The following AMN variants were observed in gnomAD, a reference collection of about 807,000 sequenced individuals.
AMN encodes the protein protein amnionless.
In AMN, 40 loss-of-function variants were observed where a neutral mutation model predicts 49.1. The ratio of observed to expected loss-of-function variants is 0.81; its 90% CI spans 0.63 to 1.06. AMN has a LOEUF of 1.06. AMN is among the 50% of genes least tolerant of loss of function. The pLI, the probability that AMN is intolerant of heterozygous loss-of-function variation, is 0.00. For synonymous variants in AMN, 380 were observed against 313.3 expected (o/e 1.21, Z -2.25); for missense variants, 701 against 662.8 (o/e 1.06, Z -0.63).
chr14:102,927,290 T>G lies in AMN; in HGVS notation c.208-1136T>G, dbSNP rs576036176. Among the ~76,000 whole-genome samples the G allele has an allele frequency of 2.0e-5, 3 of 152,370 alleles. No homozygotes were observed. The East Asian group carries it at 5.8e-4, about 29-fold the overall frequency. ...TTGTAGAGATGGAGTCTCACTATGT[T>G]TCTCACCAGGCTGATCTCAAACTCC... On this transcript the variant is annotated intron_variant, in intron 3 of 11. Transcript: ENST00000299155.
At chr14:102,928,352 G>A in intron 3 of AMN, 74 bp from the exon 4 acceptor site, 1 of 1,379,558 alleles carries the variant, frequency 7.2e-7, no homozygotes. Context: ...TCGTCCCAGG[G>A]GACTGGGGGC....
At chr14:102,928,634 G>T (rs561526372) in intron 4 of AMN, 121 bp downstream of exon 4, 1 of 1,493,230 alleles carries the variant, frequency 6.7e-7, no homozygotes, top group East Asian at 2.4e-5. Flanking sequence ...CGTGGTTTAG[G>T]GAGTGGCGGA....
chr14:102,928,675 G>A, intron 4 of AMN, 83 bp from the exon 5 acceptor site: 1 of 1,532,188 alleles, frequency 6.5e-7, no homozygotes, highest in Non-Finnish European at 8.8e-7. Flanking sequence ...GGGAGGTCGT[G>A]CTCAGACGCG....
At chr14:102,923,488 G>C in intron 1 of AMN, 1 of 558,798 alleles carries the variant, frequency 1.8e-6, no homozygotes, top group Non-Finnish European at 3.2e-6. Context: ...GCGTTTGAGC[G>C]GGCTCTGCAG....
At chr14:102,928,393 G>A (rs368984048) in intron 3 of AMN, 33 bp from the exon 4 acceptor site, 5 of 1,554,128 alleles carry the variant, frequency 3.2e-6, no homozygotes, top group African/African-American at 1.4e-5. Flanking sequence ...CCGGACCCCC[G>A]CGTGGCGCCG....
chr14:102,923,683 C>A (rs1202095350), intron 1 of AMN, 28 bp from the exon 2 acceptor site: 1 of 1,580,624 alleles, frequency 6.3e-7, no homozygotes, highest in Non-Finnish European at 8.7e-7. Context: ...CGGAGAGCAT[C>A]CCGGGCACTC....
Position 102,929,729 on chromosome 14 carries a change from C to A in AMN, c.835C>A (p.Leu279Met). The A allele has an allele frequency of 2.6e-6, 4 of 1,550,494 alleles. No individual in the cohort carries two copies. The highest frequency in any genetic ancestry group is 3.5e-6 in the Non-Finnish European group (4 of 1,147,382). The change falls in exon 8 of 12, where the codon CTG becomes ATG. Residue 279 changes from leucine to methionine, a missense_variant. Physicochemically the swap from Leu to Met is conservative, Grantham distance 15 (BLOSUM62 2). Coordinates refer to ENST00000299155, the MANE Select transcript of AMN (RefSeq NM_030943.4). Reference sequence around the variant, plus strand: ...CCGGGCGCGGATACTGGACACCTTCCTGGGTCTGGTAATGGGGCCGCGCGG... The same window carrying A: ...CCGGGCGCGGATACTGGACACCTTCATGGGTCTGGTAATGGGGCCGCGCGG... ...RYRARILDTFLGLPQYHGLQV... is the reference protein window; with the variant it reads ...RYRARILDTFMGLPQYHGLQV...
rs1321431972 is a variant in AMN at position 102,929,207 on chromosome 14, G to A, written c.600G>A (p.Val200=). Residue 200 remains valine (V), a synonymous_variant, in exon 6 of 12, where the codon GTG becomes GTA. Transcript: ENST00000299155. The part of the protein sequence containing the change: ...LRFHGPGALS[V]GPEDCADPSG... ...TCCACGGGCCGGGCGCGCTGAGCGT[G>A]GGCCCCGAGGACTGCGCGGACCCGT... 5.1e-6 allele frequency: 8 copies of A among 1,581,702 alleles called. No homozygotes were observed. The highest frequency in any genetic ancestry group is 6.8e-6 in the Non-Finnish European group (8 of 1,171,898).
intron 1 of AMN, chr14:102,923,454 A>C (rs1891108259): frequency 4.0e-6 from 2 of 494,794 alleles, no homozygotes; most frequent in African/African-American, 1.9e-5. Flanking sequence ...CCGGGAGGCT[A>C]TCTAGGCAGG....
chr14:102,930,114 G>T lies in AMN; in HGVS notation c.1006+28G>T, dbSNP rs1269034719. 1 of 1,505,940 alleles carries T rather than the reference G, an allele frequency of 6.6e-7. No homozygotes were observed. Among genetic ancestry groups the T allele is most frequent in the Non-Finnish European group, 8.8e-7 (1 of 1,132,192 alleles). The allele number at this position is 1,505,940 out of a possible 1,614,324, so 93.3% of individuals were successfully genotyped here. ...AACCGCGCCCGCCCCATCCCGCCCC[G>T]CCGCGCCTCGCCCCGCCGCGGGGAA... is the stretch of plus-strand genomic sequence containing the variant. On this transcript the variant is annotated intron_variant, in intron 9 of 11. Transcript: ENST00000299155.
At position 102,929,161 on chromosome 14, in the gene AMN, C is replaced by T. The variant is rs1234100139; in HGVS notation, c.554C>T (p.Ser185Phe). The change falls in exon 6 of 12, where the codon TCC becomes TTC. Residue 185 changes from serine to phenylalanine, a missense_variant. Physicochemically the swap from Ser to Phe is radical, Grantham distance 155. Coordinates refer to ENST00000299155, the MANE Select transcript of AMN (RefSeq NM_030943.4). ...RDEDLAVFLA[S>F]RAGRLRFHGP... is the part of the protein sequence containing the mutation. ...GAGGACCTGGCTGTTTTCCTGGCGT[C>T]CCGCGCGGGCCGCCTACGCTTCCAC... 2 of 1,596,186 alleles carry T rather than the reference C, an allele frequency of 1.3e-6. No individual in the cohort carries two copies.
In AMN at chr14:102,930,664, C is replaced by T. The variant is rs750595450; in HGVS notation, c.1346C>T (p.Ala449Val). ...SYFVNPLFAG[A>V]EAEA is the part of the protein sequence containing the mutation. ...TTCGTCAACCCTCTGTTCGCCGGGG[C>T]CGAGGCCGAGGCCTGAGCGGCCGCC... Residue 449 changes from alanine to valine, a missense_variant, in exon 12 of 12, where the codon GCC (alanine) becomes GTC (valine). Ala to Val is a moderately conservative substitution (Grantham distance 64, BLOSUM62 0). Coordinates refer to ENST00000299155, the MANE Select transcript of AMN (RefSeq NM_030943.4). 1.3e-6 allele frequency: 2 copies of T among 1,591,478 alleles called. No individual in the cohort carries two copies. Among genetic ancestry groups the T allele is most frequent in the South Asian group, 2.3e-5 (2 of 87,786 alleles).
chr14:102,928,354 A>G (rs1891234686), intron 3 of AMN, 72 bp from the exon 4 acceptor site: 18 of 1,371,890 alleles, frequency 1.3e-5, no homozygotes, highest in Middle Eastern at 2.2e-4. Flanking sequence ...GTCCCAGGGG[A>G]CTGGGGGCGG....
chr14:102,925,065 T>C (rs1447354803), intron 3 of AMN, among the ~76,000 whole-genome samples: 1 of 152,012 alleles, frequency 6.6e-6, no homozygotes. Flanking sequence ...GCTTCCAGGG[T>C]GACTGTGGGG....
At position 102,928,477 on chromosome 14, in the gene AMN, G is replaced by C; in HGVS notation, c.259G>C (p.Val87Leu). The C allele has an allele frequency of 6.2e-7, 1 of 1,609,818 alleles. No homozygotes were observed. The highest frequency in any genetic ancestry group is 1.3e-5 in the African/African-American group (1 of 75,002). The change falls in exon 4 of 12, where the codon GTC becomes CTC. Residue 87 changes from valine to leucine, a missense_variant. By Grantham distance (32) the Val-to-Leu change is conservative. Transcript: ENST00000299155. Reference sequence around the variant, plus strand: ...CCTGGCTTCAGGAGCCGGATTCGGCGTCTCAGACGTGGGCTCGCACCTGGA... The same window carrying C: ...CCTGGCTTCAGGAGCCGGATTCGGCCTCTCAGACGTGGGCTCGCACCTGGA... ...LVLASGAGFG[V>L]SDVGSHLDCG...
Position 102,922,975 on chromosome 14 carries a change from G to T in AMN, c.43+244G>T, listed in dbSNP as rs181448681. 8.8e-4 allele frequency: 481 copies of T among 546,848 alleles called. 2 individuals are homozygous for T. The East Asian group carries it at 0.013, about 15-fold the overall frequency. The allele number at this position is 546,848 out of a possible 1,614,324, so 33.9% of individuals were successfully genotyped here. On this transcript the variant is annotated intron_variant, in intron 1 of 11. Transcript: ENST00000299155. ...GGAGGGGCTCCGGGAACCTCGGCCA[G>T]CCCCGGCCTCCGGCGGCTCCTGCCC...
Position 102,922,707 on chromosome 14 carries a change from G to T in AMN, c.19G>T (p.Val7Phe). Residue 7 changes from valine to phenylalanine, a missense_variant, in exon 1 of 12, where the codon GTC (valine) becomes TTC (phenylalanine). Transcript: ENST00000299155. The part of the protein sequence containing the change: MGVLGR[V>F]LLWLQLCALT... ...AGGCGAGATGGGCGTCCTGGGCCGG[G>T]TCCTGCTGTGGCTGCAGCTCTGCGG... The T allele has an allele frequency of 6.3e-7, 1 of 1,596,868 alleles. No individual in the cohort carries two copies.
rs1891111944 is a variant in AMN at position 102,923,528 on chromosome 14, C to G, written c.44-183C>G. The G allele has an allele frequency of 1.4e-5, 9 of 639,558 alleles. No homozygotes were observed. In the South Asian group the frequency reaches 1.4e-4, roughly 10 times the overall value. 39.6% of individuals were successfully genotyped at this position (639,558 alleles called of 1,614,324 possible). A position where few individuals can be genotyped will look rare whatever the true frequency, so the allele number is the denominator to read the frequency against. ...CAGTAGAAGTCCGTTGGAGAGCGCC[C>G]GGGCAGGGCGCCCACAGTCTGGCCG... On this transcript the variant is annotated intron_variant, in intron 1 of 11. Transcript: ENST00000299155.
intron 3 of AMN, among the ~76,000 whole-genome samples, chr14:102,924,923 C>T (rs1180551548): frequency 6.6e-6 from 1 of 152,170 alleles, no homozygotes; most frequent in African/African-American, 2.4e-5. Context: ...AAAGAACAAT[C>T]TTTTGTGGCA....
Sources: gnomAD v4.1 joint callset for allele counts (sites outside exome capture counted in the v4.1 genomes callset) on GRCh38, gnomAD v4.1.1 for gene constraint, MANE v1.5 for transcripts, NCBI Gene and HGNC (gene_info 2026-07-23, HGNC 2026-07-21) for gene names.